The following POGLUT3 variants were observed in gnomAD, a reference collection of about 807,000 sequenced individuals.
POGLUT3 encodes KDEL (Lys-Asp-Glu-Leu) containing 2.
In POGLUT3, 48 loss-of-function variants were observed where a neutral mutation model predicts 54.3. That is an observed-to-expected ratio of 0.88 (90% CI 0.70 to 1.12). The LOEUF (loss-of-function observed/expected upper bound fraction) is 1.12, where lower values mean the gene tolerates loss of function less well. POGLUT3 is among the 50% of genes most tolerant of loss of function. The pLI, the probability that POGLUT3 is intolerant of heterozygous loss-of-function variation, is 0.00. For synonymous variants in POGLUT3, 218 were observed against 237.4 expected, an observed-to-expected ratio of 0.92 and a Z score of 0.75; for missense variants, 629 against 618.7, an observed-to-expected ratio of 1.02 and a Z score of -0.18.
Position 108,491,120 on chromosome 11 carries a change from A to G in POGLUT3, c.250T>C (p.Leu84=), listed in dbSNP as rs747538739. 2.1e-5 allele frequency: 34 copies of G among 1,613,986 alleles called. 2 individuals carry two copies. The South Asian group carries it at 3.7e-4, about 18-fold the overall frequency. ...GGTTTAGGGACATGTATCCGGACCA[A>G]CTCTTTAGGTGAAAGAGATTTGACT... ...VVVKSLSPKE[L]VRIHVPKPLD... Residue 84 remains leucine, a synonymous_variant, in exon 2 of 8, where the codon TTG becomes CTG. Transcript: ENST00000323468.
chr11:108,477,772 G>A (rs1277610339), intron 6 of POGLUT3, 61 bp from the exon 7 acceptor site: 1 of 1,082,736 alleles, frequency 9.2e-7, no homozygotes, highest in Non-Finnish European at 1.4e-6. Flanking sequence ...CAAAGAGAGG[G>A]TTAAGTGTGA....
At chr11:108,486,566 C>A (rs988001709) in intron 2 of POGLUT3, 126 bp from the exon 3 acceptor site, 5 of 941,124 alleles carry the variant, frequency 5.3e-6, no homozygotes, top group Non-Finnish European at 7.8e-6. Context: ...CTAGACAAAT[C>A]AGTGGTGTAA....
chr11:108,494,284 T>C (rs2093618358), intron 1 of POGLUT3, among the ~76,000 whole-genome samples: 1 of 152,168 alleles, frequency 6.6e-6, no homozygotes, highest in African/African-American at 2.4e-5. Context: ...GGAAGCTCAT[T>C]AAGGCCCTCT....
intron 7 of POGLUT3, 69 bp downstream of exon 7, chr11:108,477,538 A>G: frequency 2.3e-6 from 2 of 874,646 alleles, no homozygotes; most frequent in Non-Finnish European, 3.7e-6. Context: ...CCAGGCAGGA[A>G]GTGTACAGGC....
chr11:108,493,118 G>GA (rs1040640989), intron 1 of POGLUT3, among the ~76,000 whole-genome samples: 6 of 152,020 alleles, frequency 3.9e-5, no homozygotes, highest in African/African-American at 1.4e-4. Flanking sequence ...GGGAAAGACA[G>GA]AAAAAAACAA....
intron 4 of POGLUT3, 131 bp downstream of exon 4, chr11:108,481,875 A>G: frequency 1.5e-6 from 1 of 647,028 alleles, no homozygotes; most frequent in East Asian, 2.8e-5. Flanking sequence ...ACAAATCTTT[A>G]ATCCCTAGGT....
chr11:108,484,084 G>A (rs984518383), intron 3 of POGLUT3, among the ~76,000 whole-genome samples: 14 of 152,148 alleles, frequency 9.2e-5, no homozygotes, highest in Admixed American at 6.6e-5. Flanking sequence ...TCTTTGCGAT[G>A]GGGTTGGGGG....
intron 3 of POGLUT3, among the ~76,000 whole-genome samples, chr11:108,482,524 C>T (rs972604157): frequency 2.6e-5 from 4 of 151,944 alleles, no homozygotes; most frequent in South Asian, 4.2e-4. Context: ...GAGGTTGAGG[C>T]GAGTGGATCG....
intron 1 of POGLUT3, among the ~76,000 whole-genome samples, chr11:108,492,681 A>G (rs969196733): frequency 6.6e-6 from 1 of 152,214 alleles, no homozygotes; most frequent in Non-Finnish European, 1.5e-5. Flanking sequence ...GCTATTAAAT[A>G]TTAATAATCG....
chr11:108,476,528 T>C (rs73547092), intron 7 of POGLUT3, among the ~76,000 whole-genome samples: 1 of 152,164 alleles, frequency 6.6e-6, no homozygotes, highest in Non-Finnish European at 1.5e-5. Context: ...TAGTAAATAG[T>C]GTAACTTATC....
Position 108,486,427 on chromosome 11 carries a change from A to T in POGLUT3, c.414T>A (p.His138Gln), listed in dbSNP as rs777984854. The T allele has an allele frequency of 3.7e-6, 6 of 1,613,874 alleles. No homozygotes were observed. The highest frequency in any genetic ancestry group is 5.1e-6 in the Non-Finnish European group (6 of 1,179,816). Residue 138 changes from histidine (H) to glutamine (Q), a missense_variant, in exon 3 of 8, where the codon CAT becomes CAA. Coordinates refer to ENST00000323468, the MANE Select transcript of POGLUT3 (RefSeq NM_153705.5). The part of the protein sequence containing the change: ...SPYILKGPVY[H>Q]EYCECPEDPQ... ...GATCTTCCGGACACTCACAGTACTC[A>T]TGGTACACTGGTCCTAGGGAAGGAA...
chr11:108,496,319 A>G (rs2093622175), intron 1 of POGLUT3, among the ~76,000 whole-genome samples: 1 of 146,370 alleles, frequency 6.8e-6, no homozygotes, highest in Non-Finnish European at 1.5e-5. Context: ...TTGTCTCTTA[A>G]AAAAAAAAAA....
At position 108,491,068 on chromosome 11, in the gene POGLUT3, A is replaced by G. The variant is rs1188476161; in HGVS notation, c.302T>C (p.Leu101Ser). Reference sequence around the variant, plus strand: ...AGTTTCATACATCCTATATCTCATCAAAAATGTTCCATCATTCCTGTCCAA... The same window carrying G: ...AGTTTCATACATCCTATATCTCATCGAAAATGTTCCATCATTCCTGTCCAA... Reference protein sequence around the residue: ...KPLDRNDGTFLMRYRMYETVD... With the variant: ...KPLDRNDGTFSMRYRMYETVD... Residue 101 changes from leucine (L) to serine (S), a missense_variant, in exon 2 of 8, where the codon TTG becomes TCG. By Grantham distance (145) the Leu-to-Ser change is moderately radical (BLOSUM62 -2). Coordinates refer to ENST00000323468, the MANE Select transcript of POGLUT3 (RefSeq NM_153705.5). 6.2e-7 allele frequency: 1 copy of G among 1,614,078 alleles called. No individual in the cohort carries two copies.
At chr11:108,487,092 C>T (rs984561383) in intron 2 of POGLUT3, 2 of 152,226 alleles carry the variant, frequency 1.3e-5, no homozygotes, top group African/African-American at 4.8e-5. Context: ...TTATCATAAG[C>T]CCAGACATTC....
chr11:108,494,555 A>G (rs1252228824), intron 1 of POGLUT3, among the ~76,000 whole-genome samples: 2 of 152,236 alleles, frequency 1.3e-5, no homozygotes, highest in Admixed American at 1.3e-4. Context: ...TGTGGAGCCC[A>G]CTGGGCAAGG....
chr11:108,498,227 A>T lies in POGLUT3; in HGVS notation c.140T>A (p.Val47Asp), dbSNP rs763091038. Residue 47 changes from valine (V) to aspartate (D), a missense_variant, in exon 1 of 8, where the codon GTC becomes GAC. Physicochemically the swap from Val to Asp is radical, Grantham distance 152. Transcript: ENST00000323468. ...GACCGCCTGCAGGTAGAAATAGCGG[A>T]CCGGCAGGACGACGGCCGCCTGCAG... ...PGLQAAVVLP[V>D]RYFYLQAVNS... is the part of the protein sequence containing the mutation. The T allele has an allele frequency of 3.8e-5, 58 of 1,515,180 alleles. No individual in the cohort carries two copies. Among genetic ancestry groups the T allele is most frequent in the Non-Finnish European group, 4.9e-5 (56 of 1,133,362 alleles). The allele number at this position is 1,515,180 out of a possible 1,614,324, so 93.9% of individuals were successfully genotyped here.
Position 108,491,091 on chromosome 11 carries a change from C to A in POGLUT3, c.279G>T (p.Leu93Phe), listed in dbSNP as rs755930360. 1 of 1,612,310 alleles carries A rather than the reference C, an allele frequency of 6.2e-7. No individual in the cohort carries two copies. The highest frequency in any genetic ancestry group is 8.5e-7 in the Non-Finnish European group (1 of 1,179,046). Residue 93 changes from leucine (L) to phenylalanine (F), a missense_variant, in exon 2 of 8, where the codon TTG becomes TTT. By Grantham distance (22) the Leu-to-Phe change is conservative. Transcript: ENST00000323468. The stretch of plus-strand genomic sequence containing the variant: ...TCAAAAATGTTCCATCATTCCTGTC[C>A]AAAGGTTTAGGGACATGTATCCGGA... ...ELVRIHVPKP[L>F]DRNDGTFLMR... is the part of the protein sequence containing the mutation.
In POGLUT3 at chr11:108,486,391, C is replaced by T; in HGVS notation, c.450G>A (p.Trp150Ter). 1 of 1,614,060 alleles carries T rather than the reference C, an allele frequency of 6.2e-7. No individual in the cohort carries two copies. The highest frequency in any genetic ancestry group is 8.5e-7 in the Non-Finnish European group (1 of 1,180,010). Residue 150 changes from tryptophan to a stop codon, truncating the protein, a stop_gained, in exon 3 of 8, where the codon TGG (tryptophan) becomes TGA (stop). Coordinates refer to ENST00000323468, the MANE Select transcript of POGLUT3 (RefSeq NM_153705.5). LOFTEE classifies it high-confidence loss of function. ...YCECPEDPQA[W>*]QKTLSCPTKE... The stretch of plus-strand genomic sequence containing the variant: ...TGGTTGGACAAGAAAGAGTCTTCTG[C>T]CAGGCCTGAGGATCTTCCGGACACT...
intron 1 of POGLUT3, among the ~76,000 whole-genome samples, chr11:108,496,786 G>A (rs1282767548): frequency 1.3e-5 from 2 of 152,208 alleles, no homozygotes; most frequent in Non-Finnish European, 2.9e-5. Context: ...AATTTCTCCA[G>A]TGGCTCTCTT....
Sources: allele counts gnomAD v4.1 joint callset (sites outside exome capture counted in the v4.1 genomes callset), GRCh38; gene constraint gnomAD v4.1.1; transcripts MANE v1.5; gene names NCBI Gene and HGNC (gene_info 2026-07-23, HGNC 2026-07-21).